The following RB1 variants were observed in gnomAD, a reference collection of about 807,000 sequenced individuals.
RB1 encodes retinoblastoma-associated protein.
A neutral mutation model predicts 135.4 loss-of-function variants in RB1; 18 were observed. That is an observed-to-expected ratio of 0.13 (90% CI 0.09 to 0.20). The LOEUF (loss-of-function observed/expected upper bound fraction) is 0.20. Ranked by LOEUF, RB1 falls within the 10% of genes least tolerant of loss-of-function variation. The pLI, the probability that RB1 is intolerant of heterozygous loss-of-function variation, is 1.00. For missense variants in RB1, 868 were observed against 1,110.0 expected (o/e 0.78, Z 3.10); for synonymous variants, 365 against 373.2 (o/e 0.98, Z 0.25).
At position 48,379,278 on chromosome 13, in the gene RB1, C is replaced by T. The variant is rs73488955; in HGVS notation, c.1333-316C>T. On this transcript the variant is annotated intron_variant, in intron 13 of 26. Transcript: ENST00000267163. ...TAATTTACTTGGGAATGTTAATCAC[C>T]ACTTAATACTTAAGTTGTGAGTTTT... Among the ~76,000 whole-genome samples the T allele has an allele frequency of 4.5e-3, 678 of 152,198 alleles. 2 individuals are homozygous for T. Among genetic ancestry groups the T allele is most frequent in the African/African-American group, 0.015 (642 of 41,522 alleles).
chr13:48,314,027 C>T (rs914301188), intron 2 of RB1, among the ~76,000 whole-genome samples: 2 of 152,200 alleles, frequency 1.3e-5, no homozygotes, highest in African/African-American at 4.8e-5. Flanking sequence ...GGATTACAGG[C>T]GTGAGCCACC....
chr13:48,450,187 C>G (rs1237916431), intron 17 of RB1, among the ~76,000 whole-genome samples: 3 of 151,706 alleles, frequency 2.0e-5, no homozygotes, highest in Non-Finnish European at 4.4e-5. Flanking sequence ...GTGTTTTCAT[C>G]ATGAAATCTT....
chr13:48,351,437 T>C (rs1952546750), intron 6 of RB1, among the ~76,000 whole-genome samples: 1 of 152,188 alleles, frequency 6.6e-6, no homozygotes, highest in Non-Finnish European at 1.5e-5. Flanking sequence ...GGGTTGGTTT[T>C]TTTTCTCTTG....
intron 26 of RB1, among the ~76,000 whole-genome samples, chr13:48,479,077 A>G (rs1949521337): frequency 6.6e-6 from 1 of 151,982 alleles, no homozygotes. Context: ...AAAATCCAAA[A>G]ATTAGCCAGG....
rs960002315 is a variant in RB1, at chr13:48,329,703, T to C, written c.265-12896T>C. ...TTTTGGAAAGACCCATTCTTTCCTC[T>C]ATTGTCTTGGTACCTCCTCAGGACA... On this transcript the variant is annotated intron_variant, in intron 2 of 26. Coordinates refer to ENST00000267163, the MANE Select transcript of RB1 (RefSeq NM_000321.3). 3.3e-5 allele frequency among the ~76,000 whole-genome samples: 5 copies of C among 152,294 alleles called. No homozygotes were observed. In the East Asian group the frequency reaches 9.6e-4, roughly 29 times the overall value.
At chr13:48,445,324 C>T (rs1265352561) in intron 17 of RB1, 1 of 152,180 alleles carries the variant, frequency 6.6e-6, no homozygotes, top group Admixed American at 6.5e-5. Flanking sequence ...ATATTAGTGA[C>T]TTATCCTAAA....
chr13:48,403,026 G>A (rs1948707321), intron 17 of RB1, among the ~76,000 whole-genome samples: 1 of 151,802 alleles, frequency 6.6e-6, no homozygotes, highest in Non-Finnish European at 1.5e-5. Flanking sequence ...TAGGTTTTAT[G>A]TCCTATTAAA....
At chr13:48,340,089 T>C (rs1952429474) in intron 2 of RB1, among the ~76,000 whole-genome samples, 1 of 152,124 alleles carries the variant, frequency 6.6e-6, no homozygotes. Context: ...CTGGAGCAAT[T>C]GGGTATCCAA....
At chr13:48,447,314 A>G (rs1441701871) in intron 17 of RB1, among the ~76,000 whole-genome samples, 2 of 152,180 alleles carry the variant, frequency 1.3e-5, no homozygotes, top group East Asian at 1.9e-4. Context: ...AAGGTCAAAT[A>G]GGGCAGATGC....
chr13:48,420,089 A>C (rs561451945), intron 17 of RB1, among the ~76,000 whole-genome samples: 2 of 152,344 alleles, frequency 1.3e-5, no homozygotes, highest in Admixed American at 1.3e-4. Context: ...CAACAAAAAA[A>C]GAAAATTTCG....
intron 17 of RB1, 87 bp downstream of exon 17, chr13:48,381,530 CT>C: frequency 1.6e-6 from 2 of 1,219,274 alleles, no homozygotes; most frequent in Non-Finnish European, 2.4e-6. Flanking sequence ...TAACATCTAC[CT>C]CAAGAACATA....
chr13:48,307,197 G>C (rs1482093953), intron 1 of RB1, 83 bp from the exon 2 acceptor site: 1 of 1,164,672 alleles, frequency 8.6e-7, no homozygotes, highest in African/African-American at 1.5e-5. Context: ...GTAGTGTTAT[G>C]TGCAAACTAT....
At position 48,394,011 on chromosome 13, in the gene RB1, C is replaced by T. The variant is rs118137116; in HGVS notation, c.1695+12568C>T. Among the ~76,000 whole-genome samples the T allele has an allele frequency of 0.012, 1,758 of 152,272 alleles. 65 individuals are homozygous for T. The East Asian group carries it at 0.12, about 10-fold the overall frequency. ...GGTCTGCAGCTGCCAGCGAGATCAA[C>T]CCAGAAGGCAGGTGATTTCTCCATT... is the stretch of plus-strand genomic sequence containing the variant. On this transcript the variant is annotated intron_variant, in intron 17 of 26. Transcript: ENST00000267163.
intron 17 of RB1, among the ~76,000 whole-genome samples, chr13:48,437,588 G>C (rs768468326): frequency 6.6e-6 from 1 of 152,148 alleles, no homozygotes; most frequent in Admixed American, 6.5e-5. Flanking sequence ...AAGTTCACTC[G>C]TGTGGTTGTT....
intron 17 of RB1, among the ~76,000 whole-genome samples, chr13:48,401,909 A>G (rs1255883325): frequency 7.9e-5 from 12 of 152,152 alleles, no homozygotes; most frequent in Non-Finnish European, 1.6e-4. Context: ...ACTAACATAA[A>G]TCTGTCTTGC....
At chr13:48,347,506 A>T (rs1353089812) in intron 4 of RB1, among the ~76,000 whole-genome samples, 1 of 152,126 alleles carries the variant, frequency 6.6e-6, no homozygotes, top group African/African-American at 2.4e-5. Flanking sequence ...AAAGGGATTT[A>T]AAATTTTTAT....
At chr13:48,348,909 G>A (rs2138093265) in intron 5 of RB1, 47 bp from the exon 6 acceptor site, 1 of 1,578,508 alleles carries the variant, frequency 6.3e-7, no homozygotes, top group Non-Finnish European at 8.6e-7. Flanking sequence ...CTTTCTTTCA[G>A]TGATACATTT....
chr13:48,372,113 G>T (rs1952764828), intron 11 of RB1, among the ~76,000 whole-genome samples: 1 of 152,182 alleles, frequency 6.6e-6, no homozygotes, highest in Admixed American at 6.5e-5. Flanking sequence ...AAAGGTTGGG[G>T]ACTGCTGTTC....
intron 2 of RB1, among the ~76,000 whole-genome samples, chr13:48,339,061 C>T (rs769977145): frequency 2.6e-5 from 4 of 152,102 alleles, no homozygotes; most frequent in South Asian, 2.1e-4. Flanking sequence ...TACTCAGCTG[C>T]GTGTGGTGTT....
Sources: gnomAD v4.1 joint callset for allele counts (sites outside exome capture counted in the v4.1 genomes callset) on GRCh38, gnomAD v4.1.1 for gene constraint, MANE v1.5 for transcripts, NCBI Gene and HGNC (gene_info 2026-07-23, HGNC 2026-07-21) for gene names.